Variants in GRPEL2 observed in about 807,000 individuals in gnomAD.
GRPEL2 encodes the protein GrpE like 2, mitochondrial, also known as grpE protein homolog 2, mitochondrial.
A neutral mutation model predicts 25.9 loss-of-function variants in GRPEL2; 18 were observed. The ratio of observed to expected loss-of-function variants is 0.70; its 90% CI spans 0.48 to 1.03. GRPEL2 has a LOEUF of 1.03. Ranked by LOEUF, GRPEL2 falls within the 50% of genes least tolerant of loss-of-function variation. The pLI is 0.00. For synonymous variants in GRPEL2, 106 were observed against 107.9 expected, an observed-to-expected ratio of 0.98 and a Z score of 0.11; for missense variants, 247 against 276.2, an observed-to-expected ratio of 0.89 and a Z score of 0.75.
At position 149,353,540 on chromosome 5, in the gene GRPEL2, C is replaced by G. The variant is rs1284528426; in HGVS notation, c.*2258C>G. 6.6e-6 allele frequency: 1 copy of G among 152,024 alleles called. No individual in the cohort carries two copies. Among genetic ancestry groups the G allele is most frequent in the Non-Finnish European group, 1.5e-5 (1 of 68,018 alleles). The allele number at this position is 152,024 out of a possible 1,614,324, so 9.4% of individuals were successfully genotyped here. On this transcript the variant is annotated 3_prime_UTR_variant, in exon 4 of 4. Coordinates refer to ENST00000329271, the MANE Select transcript of GRPEL2 (RefSeq NM_152407.4). Reference sequence around the variant, plus strand: ...TAGCCAGGACCACAGGCAAGTGCACCACCATGACTGGCTAGTTTTGTTTTT... The same window carrying G: ...TAGCCAGGACCACAGGCAAGTGCACGACCATGACTGGCTAGTTTTGTTTTT...
At chr5:149,350,544 A>C (rs952158617) in intron 3 of GRPEL2, among the ~76,000 whole-genome samples, 2 of 152,220 alleles carry the variant, frequency 1.3e-5, no homozygotes, top group African/African-American at 4.8e-5. Context: ...GCCATAGCAC[A>C]ACTGGGACAG....
At chr5:149,350,136 G>C (rs1561695208) in intron 3 of GRPEL2, among the ~76,000 whole-genome samples, 1 of 152,204 alleles carries the variant, frequency 6.6e-6, no homozygotes, top group Non-Finnish European at 1.5e-5. Flanking sequence ...ATTAAAGTCA[G>C]ATTAACAAAG....
At position 149,348,574 on chromosome 5, in the gene GRPEL2, A is replaced by G. The variant is rs1206288687; in HGVS notation, c.231+149A>G. 4 of 627,394 alleles carry G rather than the reference A, an allele frequency of 6.4e-6. No homozygotes were observed. The South Asian group carries it at 7.0e-5, about 11-fold the overall frequency. The allele number at this position is 627,394 out of a possible 1,614,324, so 38.9% of individuals were successfully genotyped here. A position where few individuals can be genotyped will look rare whatever the true frequency, so the allele number is the denominator to read the frequency against. On this transcript the variant is annotated intron_variant, in intron 2 of 3. Transcript: ENST00000329271. Reference sequence around the variant, plus strand: ...CCCTCCTCCACTCCTTGCTAGGTATACTGGGCAGAAAAAAACTGTAGTAGT... The same window carrying G: ...CCCTCCTCCACTCCTTGCTAGGTATGCTGGGCAGAAAAAAACTGTAGTAGT...
chr5:149,349,834 G>C (rs1757749018), intron 3 of GRPEL2, 99 bp downstream of exon 3: 1 of 850,302 alleles, frequency 1.2e-6, no homozygotes, highest in African/African-American at 1.7e-5. Context: ...CAGATCACAT[G>C]AGATCAGGAT....
rs1757766187 is a variant in GRPEL2, at chr5:149,351,104, C to T, written c.500C>T (p.Thr167Ile). 1 of 1,614,206 alleles carries T rather than the reference C, an allele frequency of 6.2e-7. No homozygotes were observed. The highest frequency in any genetic ancestry group is 8.5e-7 in the Non-Finnish European group (1 of 1,180,010). Residue 167 changes from threonine (T) to isoleucine (I), a missense_variant, in exon 4 of 4, where the codon ACA becomes ATA. Thr to Ile is a moderately conservative substitution (Grantham distance 89). Coordinates refer to ENST00000329271, the MANE Select transcript of GRPEL2 (RefSeq NM_152407.4). ...GCCAAGCATGGCCTGGAGAAACTGA[C>T]ACCCATTGGTGACAAATATGACCCC... The part of the protein sequence containing the change: ...VFAKHGLEKL[T>I]PIGDKYDPHE...
rs970709050 is a variant in GRPEL2, at chr5:149,348,131, C to T, written c.78-141C>T. 54 of 686,908 alleles carry T rather than the reference C, an allele frequency of 7.9e-5. 1 individual carries two copies. Among genetic ancestry groups the T allele is most frequent in the Admixed American group, 1.6e-4 (5 of 31,254 alleles). The allele number at this position is 686,908 out of a possible 1,614,324, so 42.6% of individuals were successfully genotyped here. ...AGTGTCTGGTACATGGTAAGGACTT[C>T]GTAAGTGTTCATTTGTTACTATAAC... is the stretch of plus-strand genomic sequence containing the variant. On this transcript the variant is annotated intron_variant, in intron 1 of 3. Transcript: ENST00000329271.
At position 149,351,030 on chromosome 5, in the gene GRPEL2, G is replaced by C. The variant is rs376043822; in HGVS notation, c.426G>C (p.Lys142Asn). ...EPEDQKLTLE[K>N]VFRGLLLLEA... ...AGGACCAAAAGCTCACTCTGGAGAAGGTCTTCCGAGGGTTGTTGCTTTTAG... is the reference window on the plus strand; with the variant it reads ...AGGACCAAAAGCTCACTCTGGAGAACGTCTTCCGAGGGTTGTTGCTTTTAG... Residue 142 changes from lysine to asparagine, a missense_variant, in exon 4 of 4, where the codon AAG becomes AAC. By Grantham distance (94) the Lys-to-Asn change is moderately conservative (BLOSUM62 0). Coordinates refer to ENST00000329271, the MANE Select transcript of GRPEL2 (RefSeq NM_152407.4). The C allele has an allele frequency of 9.5e-5, 153 of 1,614,112 alleles. No individual in the cohort carries two copies. The highest frequency in any genetic ancestry group is 1.2e-4 in the Non-Finnish European group (142 of 1,180,048).
chr5:149,351,187 G>A lies in GRPEL2; in HGVS notation c.583G>A (p.Val195Met), dbSNP rs746181511. 40 of 1,614,012 alleles carry A rather than the reference G, an allele frequency of 2.5e-5. 1 individual carries two copies. The highest frequency in any genetic ancestry group is 5.0e-5 in the Admixed American group (3 of 59,996). ...PAGVGVQPGT[V>M]ALVRQDGYKL... ...TGGTGTTGGGGTGCAGCCTGGCACC[G>A]TGGCATTAGTAAGACAAGATGGCTA... is the stretch of plus-strand genomic sequence containing the variant. The change falls in exon 4 of 4, where the codon GTG (valine) becomes ATG (methionine). Residue 195 changes from valine (V) to methionine (M), a missense_variant. Physicochemically the swap from Val to Met is conservative, Grantham distance 21. Transcript: ENST00000329271.
chr5:149,350,459 G>A (rs1350037077), intron 3 of GRPEL2, among the ~76,000 whole-genome samples: 1 of 152,108 alleles, frequency 6.6e-6, no homozygotes, highest in African/African-American at 2.4e-5. Context: ...TTAGCATAGT[G>A]TTGTTGACTT....
chr5:149,346,761 G>C (rs1581356951), intron 1 of GRPEL2, among the ~76,000 whole-genome samples: 1 of 90,560 alleles, frequency 1.1e-5, no homozygotes, highest in Middle Eastern at 0.014. Context: ...TTTTTGAGAC[G>C]GAGTCTCACT....
rs1395388548 is a variant in GRPEL2 at position 149,345,534 on chromosome 5, G to A, written c.-6G>A. The A allele has an allele frequency of 6.2e-7, 1 of 1,610,166 alleles. No individual in the cohort carries two copies. Among genetic ancestry groups the A allele is most frequent in the African/African-American group, 1.3e-5 (1 of 74,892 alleles). On this transcript the variant is annotated 5_prime_UTR_variant, in exon 1 of 4. Coordinates refer to ENST00000329271, the MANE Select transcript of GRPEL2 (RefSeq NM_152407.4). Reference sequence around the variant, plus strand: ...CGTGCGCTGCCTCTCAGCCCAAATTGGAAACATGGCCGTACGGTCGCTGTG... The same window carrying A: ...CGTGCGCTGCCTCTCAGCCCAAATTAGAAACATGGCCGTACGGTCGCTGTG...
chr5:149,346,047 C>T (rs956356739), intron 1 of GRPEL2, among the ~76,000 whole-genome samples: 7 of 152,236 alleles, frequency 4.6e-5, no homozygotes, highest in African/African-American at 1.7e-4. Context: ...ACTTGTTTCT[C>T]CAAACGGCCA....
chr5:149,349,865 A>G, intron 3 of GRPEL2, 130 bp downstream of exon 3: 1 of 672,102 alleles, frequency 1.5e-6, no homozygotes, highest in Non-Finnish European at 2.6e-6. Flanking sequence ...TCTGGCCAAC[A>G]TGACACCTCG....
In GRPEL2 at chr5:149,348,164, A is replaced by G. The variant is rs545688823; in HGVS notation, c.78-108A>G. ...TTCATTTGTTACTATAACTGAAAAC[A>G]CTTTCTCCAGAGATTCCATCTGGGA... On this transcript the variant is annotated intron_variant, in intron 1 of 3. Transcript: ENST00000329271. 6 of 1,004,556 alleles carry G rather than the reference A, an allele frequency of 6.0e-6. No individual in the cohort carries two copies. The Admixed American group carries it at 1.3e-4, about 22-fold the overall frequency. The allele number at this position is 1,004,556 out of a possible 1,614,324, so 62.2% of individuals were successfully genotyped here. A position where few individuals can be genotyped will look rare whatever the true frequency, so the allele number is the denominator to read the frequency against.
At chr5:149,349,778 A>G (rs187464359) in intron 3 of GRPEL2, 43 bp downstream of exon 3, 3 of 1,410,720 alleles carry the variant, frequency 2.1e-6, no homozygotes, top group African/African-American at 2.8e-5. Context: ...GGTTGGGCAC[A>G]GTGGCTTATG....
chr5:149,351,336 T>A lies in GRPEL2; in HGVS notation c.*54T>A. The A allele has an allele frequency of 3.3e-6, 5 of 1,526,954 alleles. No individual in the cohort carries two copies. In the Admixed American group the frequency reaches 8.3e-5, roughly 25 times the overall value. The allele number at this position is 1,526,954 out of a possible 1,614,324, so 94.6% of individuals were successfully genotyped here. ...CAGAGCGCAGTCACCTATGTTTCTT[T>A]TATTTATTAAACTAGGTTTGTATTG... On this transcript the variant is annotated 3_prime_UTR_variant, in exon 4 of 4. Coordinates refer to ENST00000329271, the MANE Select transcript of GRPEL2 (RefSeq NM_152407.4).
chr5:149,352,789 G>A lies in GRPEL2; in HGVS notation c.*1507G>A, dbSNP rs1400807551. The stretch of plus-strand genomic sequence containing the variant: ...CTAGTCTTTTTAGGACTGGACACAA[G>A]GAAAATAATCTCTAAACTATTGACT... On this transcript the variant is annotated 3_prime_UTR_variant, in exon 4 of 4. Transcript: ENST00000329271. The A allele has an allele frequency of 1.3e-5, 2 of 151,996 alleles. No individual in the cohort carries two copies. Among genetic ancestry groups the A allele is most frequent in the African/African-American group, 2.4e-5 (1 of 41,386 alleles). The allele number at this position is 151,996 out of a possible 1,614,324, so 9.4% of individuals were successfully genotyped here.
Position 149,349,747 on chromosome 5 carries a change from A to C in GRPEL2, c.313+12A>C, listed in dbSNP as rs771977405. ...CGCCAAGATATTTGGTGAGAGATTT[A>C]TTTACAATAAAAATGTCTTTGGTTG... On this transcript the variant is annotated intron_variant, in intron 3 of 3. Coordinates refer to ENST00000329271, the MANE Select transcript of GRPEL2 (RefSeq NM_152407.4). The C allele has an allele frequency of 8.1e-6, 13 of 1,602,960 alleles. No homozygotes were observed. The African/African-American group carries it at 1.3e-4, about 17-fold the overall frequency.
Position 149,351,351 on chromosome 5 carries a change from G to C in GRPEL2, c.*69G>C. On this transcript the variant is annotated 3_prime_UTR_variant, in exon 4 of 4. Transcript: ENST00000329271. Reference sequence around the variant, plus strand: ...TATGTTTCTTTTATTTATTAAACTAGGTTTGTATTGTACATGAGGTACTTC... The same window carrying C: ...TATGTTTCTTTTATTTATTAAACTACGTTTGTATTGTACATGAGGTACTTC... The C allele has an allele frequency of 5.4e-6, 8 of 1,478,050 alleles. No homozygotes were observed. In the South Asian group the frequency reaches 1.1e-4, roughly 20 times the overall value. The allele number at this position is 1,478,050 out of a possible 1,614,324, so 91.6% of individuals were successfully genotyped here.
Sources: gnomAD v4.1 joint callset for allele counts (sites outside exome capture counted in the v4.1 genomes callset) on GRCh38, gnomAD v4.1.1 for gene constraint, MANE v1.5 for transcripts, NCBI Gene and HGNC (gene_info 2026-07-23, HGNC 2026-07-21) for gene names.